CLEC4F: variants seen among roughly 807,000 people sequenced by gnomAD.
CLEC4F encodes C-type (calcium dependent, carbohydrate-recognition domain) lectin, superfamily member 13.
A neutral mutation model predicts 53.4 loss-of-function variants in CLEC4F; 45 were observed. That is an observed-to-expected ratio of 0.84 (90% confidence interval 0.66 to 1.08). CLEC4F has a LOEUF of 1.08. Among genes scored for constraint, CLEC4F ranks in the 50% least tolerant of loss-of-function variants. The pLI is 0.00. For missense variants in CLEC4F, 753 were observed against 698.2 expected (o/e 1.08, Z -0.88); for synonymous variants, 245 against 257.5 (o/e 0.95, Z 0.46).
At position 70,812,510 on chromosome 2, in the gene CLEC4F, CTCATGCCAAGACT is replaced by C. The variant is rs1553394525; in HGVS notation, c.1463_1475del (p.Lys488ArgfsTer26). 6.2e-7 allele frequency: 1 copy of C among 1,614,092 alleles called. No homozygotes were observed. Among genetic ancestry groups the C allele is most frequent in the East Asian group, 2.2e-5 (1 of 44,898 alleles). ...CCTGGGACACGCAGAACTGCTCAGC[CTCATGCCAAGACT>C]TCTTGACACTAGAAAAATAATATAA... On this transcript the variant is annotated frameshift_variant, in exon 5 of 7. Coordinates refer to ENST00000272367, the MANE Select transcript of CLEC4F (RefSeq NM_173535.3). LOFTEE classifies it high-confidence loss of function.
Position 70,811,889 on chromosome 2 carries a change from T to G in CLEC4F, c.1539+558A>C, listed in dbSNP as rs552458242. Among the ~76,000 whole-genome samples the G allele has an allele frequency of 2.0e-5, 3 of 152,192 alleles. No homozygotes were observed. The East Asian group carries it at 5.8e-4, about 29-fold the overall frequency. On this transcript the variant is annotated intron_variant, in intron 5 of 6. Coordinates refer to ENST00000272367, the MANE Select transcript of CLEC4F (RefSeq NM_173535.3). ...AAGTTTGAGACCAGCCTTGGCAACA[T>G]GGCGAAACCCCATTTCTACAAAAAA...
chr2:70,817,162 TAGCA>T (rs1558618299), intron 3 of CLEC4F, 50 bp from the exon 4 acceptor site: 2 of 1,551,302 alleles, frequency 1.3e-6, no homozygotes, highest in Non-Finnish European at 1.7e-6. Context: ...TTATGTAGGG[TAGCA>T]TTTTATGGGC....
At position 70,816,403 on chromosome 2, in the gene CLEC4F, T is replaced by A. The variant is rs993104045; in HGVS notation, c.978A>T (p.Arg326Ser). 1 of 1,613,782 alleles carries A rather than the reference T, an allele frequency of 6.2e-7. No homozygotes were observed. Among genetic ancestry groups the A allele is most frequent in the African/African-American group, 1.3e-5 (1 of 74,886 alleles). ...TTAACACGTGAATTTCATCACCAGC[T>A]CTTTCCAAATGACCTCTTAAGAACT... ...EIQFLRGHLE[R>S]AGDEIHVLKR... The change falls in exon 4 of 7, where the codon AGA (arginine) becomes AGT (serine). Residue 326 changes from arginine to serine, a missense_variant. Transcript: ENST00000272367.
In CLEC4F at chr2:70,816,200, T is replaced by G. The variant is rs137920767; in HGVS notation, c.1181A>C (p.Lys394Thr). 468 of 1,614,214 alleles carry G rather than the reference T, an allele frequency of 2.9e-4. 3 individuals are homozygous for G. The African/African-American group carries it at 5.7e-3, about 20-fold the overall frequency. ...GGCTGAAGCATTCTTCATTCCTTGTTTTAGGGTCTGTATCTCTCTGCTGGC... is the reference window on the plus strand; with the variant it reads ...GGCTGAAGCATTCTTCATTCCTTGTGTTAGGGTCTGTATCTCTCTGCTGGC... ...KNASREIQTL[K>T]QGMKNASALT... is the part of the protein sequence containing the mutation. Residue 394 changes from lysine (K) to threonine (T), a missense_variant, in exon 4 of 7, where the codon AAA (lysine) becomes ACA (threonine). Lys to Thr is a moderately conservative substitution (Grantham distance 78, BLOSUM62 -1). Transcript: ENST00000272367.
At chr2:70,809,420 T>C in intron 6 of CLEC4F, 38 bp from the exon 7 acceptor site, 4 of 1,559,496 alleles carry the variant, frequency 2.6e-6, no homozygotes, top group Non-Finnish European at 3.5e-6. Flanking sequence ...AAAGACCCAC[T>C]CACTGGCTGC....
intron 5 of CLEC4F, among the ~76,000 whole-genome samples, 179 bp downstream of exon 5, chr2:70,812,268 G>A (rs966873786): frequency 6.6e-5 from 10 of 152,150 alleles, no homozygotes; most frequent in African/African-American, 2.4e-4. Flanking sequence ...GAGGTTTGCT[G>A]TCAGGGATTC....
rs1353005754 is a variant in CLEC4F at position 70,809,023 on chromosome 2, T to C, written c.*248A>G. On this transcript the variant is annotated 3_prime_UTR_variant, in exon 7 of 7. Coordinates refer to ENST00000272367, the MANE Select transcript of CLEC4F (RefSeq NM_173535.3). ...CCACTTCTGCTGAATTTGGACACAG[T>C]CTTCAGTCTGCCCATTCTTGTGCCG... The C allele has an allele frequency of 6.2e-6, 9 of 1,458,652 alleles. No homozygotes were observed. Among genetic ancestry groups the C allele is most frequent in the African/African-American group, 1.4e-5 (1 of 71,292 alleles). The allele number at this position is 1,458,652 out of a possible 1,614,324, so 90.4% of individuals were successfully genotyped here. A position where few individuals can be genotyped will look rare whatever the true frequency, so the allele number is the denominator to read the frequency against.
At position 70,816,749 on chromosome 2, in the gene CLEC4F, T is replaced by C. The variant is rs1676938520; in HGVS notation, c.632A>G (p.Glu211Gly). 1 of 1,614,070 alleles carries C rather than the reference T, an allele frequency of 6.2e-7. No individual in the cohort carries two copies. Among genetic ancestry groups the C allele is most frequent in the Admixed American group, 1.7e-5 (1 of 60,010 alleles). ...LKSSLENTSIELHVLSRGLEN... is the reference protein window; with the variant it reads ...LKSSLENTSIGLHVLSRGLEN... ...TAAGCCTCTGCTTAGCACGTGGAGC[T>C]CAATGCTGGTGTTTTCTAAACTGCT... The change falls in exon 4 of 7, where the codon GAG (glutamate) becomes GGG (glycine). Residue 211 changes from glutamate (E) to glycine (G), a missense_variant. Coordinates refer to ENST00000272367, the MANE Select transcript of CLEC4F (RefSeq NM_173535.3).
chr2:70,810,821 T>C (rs1676517338), intron 5 of CLEC4F: 9 of 531,232 alleles, frequency 1.7e-5, no homozygotes, highest in South Asian at 1.1e-4. Flanking sequence ...TCCCCAGAAA[T>C]TGAATTCTGT....
upstream of CLEC4F, among the ~76,000 whole-genome samples, chr2:70,820,806 A>C (rs891317175): frequency 1.1e-4 from 16 of 152,172 alleles, no homozygotes; most frequent in Non-Finnish European, 1.9e-4. Flanking sequence ...TGCCGCATCC[A>C]GCATAACCCC....
Position 70,809,952 on chromosome 2 carries a change from A to G in CLEC4F, c.1540-95T>C, listed in dbSNP as rs1334337453. On this transcript the variant is annotated intron_variant, in intron 5 of 6. Coordinates refer to ENST00000272367, the MANE Select transcript of CLEC4F (RefSeq NM_173535.3). ...CCTGCTTATAGATATACACATAATT[A>G]TATATGCATATCAAAAACTGTAAAC... is the stretch of plus-strand genomic sequence containing the variant. 4.0e-6 allele frequency: 3 copies of G among 757,212 alleles called. No homozygotes were observed. The African/African-American group carries it at 5.2e-5, about 13-fold the overall frequency. The allele number at this position is 757,212 out of a possible 1,614,324, so 46.9% of individuals were successfully genotyped here.
At chr2:70,821,209 T>C (rs1167114061), upstream of CLEC4F, among the ~76,000 whole-genome samples, 1 of 152,228 alleles carries the variant, frequency 6.6e-6, no homozygotes, top group East Asian at 1.9e-4. Flanking sequence ...TCTCAGTTCC[T>C]GACACAGAAC....
intron 1 of CLEC4F, among the ~76,000 whole-genome samples, chr2:70,820,128 C>G (rs541037134): frequency 1.3e-5 from 2 of 152,238 alleles, no homozygotes; most frequent in East Asian, 1.9e-4. Flanking sequence ...GCTCTGAGAC[C>G]GAGACCACCG....
intron 4 of CLEC4F, 41 bp downstream of exon 4, chr2:70,815,953 G>A (rs372867798): frequency 6.3e-7 from 1 of 1,577,242 alleles, no homozygotes; most frequent in Non-Finnish European, 8.6e-7. Flanking sequence ...CCTCTCAAGA[G>A]ACTGTGCCCT....
At chr2:70,824,503 C>CA (rs1452766275), upstream of CLEC4F, among the ~76,000 whole-genome samples, 1 of 150,156 alleles carries the variant, frequency 6.7e-6, no homozygotes, top group Non-Finnish European at 1.5e-5. Flanking sequence ...CACCATTCTC[C>CA]AAAAAAAGGA....
At chr2:70,812,038 C>T (rs1482448114) in intron 5 of CLEC4F, among the ~76,000 whole-genome samples, 1 of 152,100 alleles carries the variant, frequency 6.6e-6, no homozygotes, top group African/African-American at 2.4e-5. Flanking sequence ...AGGTTGCAGT[C>T]AGCCATGATC....
upstream of CLEC4F, among the ~76,000 whole-genome samples, chr2:70,822,875 G>C (rs1461456425): frequency 6.6e-6 from 1 of 152,184 alleles, no homozygotes; most frequent in African/African-American, 2.4e-5. Context: ...AGATCCTGGG[G>C]TCAGCCTCTT....
upstream of CLEC4F, among the ~76,000 whole-genome samples, chr2:70,821,256 G>T (rs1347634150): frequency 6.6e-6 from 1 of 152,132 alleles, no homozygotes; most frequent in Non-Finnish European, 1.5e-5. Flanking sequence ...TGACAGGAGT[G>T]TTTTTTGTTA....
rs781810783 is a variant in CLEC4F at position 70,816,739 on chromosome 2, C to T, written c.642G>A (p.Val214=). Residue 214 remains valine (V), a synonymous_variant, in exon 4 of 7, where the codon GTG becomes GTA. Coordinates refer to ENST00000272367, the MANE Select transcript of CLEC4F (RefSeq NM_173535.3). The part of the protein sequence containing the change: ...SLENTSIELH[V]LSRGLENANS... ...TTGCATTTTCTAAGCCTCTGCTTAG[C>T]ACGTGGAGCTCAATGCTGGTGTTTT... 1 of 1,614,176 alleles carries T rather than the reference C, an allele frequency of 6.2e-7. No individual in the cohort carries two copies. The highest frequency in any genetic ancestry group is 1.7e-5 in the Admixed American group (1 of 60,030).
Sources: allele counts gnomAD v4.1 joint callset (sites outside exome capture counted in the v4.1 genomes callset), GRCh38; gene constraint gnomAD v4.1.1; transcripts MANE v1.5; gene names NCBI Gene and HGNC (gene_info 2026-07-23, HGNC 2026-07-21).